Variants in NACAD observed in about 807,000 individuals in gnomAD.
NACAD encodes NAC-alpha domain-containing protein 1.
Under a neutral mutation model 98.9 loss-of-function variants are expected in NACAD, and 47 were observed. The ratio of observed to expected loss-of-function variants is 0.48; its 90% CI spans 0.38 to 0.61. The LOEUF (loss-of-function observed/expected upper bound fraction) is 0.61. Among genes scored for constraint, NACAD ranks in the 20% least tolerant of loss-of-function variants. The probability of loss-of-function intolerance (pLI) is 0.00; values close to 1 mark genes in which losing one functional copy is unlikely to be tolerated. For missense variants in NACAD, 1,412 were observed against 1,748.2 expected (o/e 0.81, Z 3.43); for synonymous variants, 696 against 767.2 (o/e 0.91, Z 1.53).
At position 45,080,683 on chromosome 7, in the gene NACAD, C is replaced by T. The variant is rs756401769; in HGVS notation, c.4631G>A (p.Arg1544Gln). 8.6e-5 allele frequency: 133 copies of T among 1,551,146 alleles called. No individual in the cohort carries two copies. The highest frequency in any genetic ancestry group is 1.1e-4 in the Non-Finnish European group (130 of 1,146,952). The change falls in exon 7 of 8, where the codon CGG becomes CAG. Residue 1544 changes from arginine (R) to glutamine (Q), a missense_variant. Physicochemically the swap from Arg to Gln is conservative, Grantham distance 43. This residue lies in a region of NACAD where 88 missense variants were observed against 105.4 expected (regional missense o/e 0.84). Transcript: ENST00000490531. ...GTCACTGTGGTTGTCTCTCAGAGCCCGCACGGCCTTGGCCCTGGACACATT... is the reference window on the plus strand; with the variant it reads ...GTCACTGTGGTTGTCTCTCAGAGCCTGCACGGCCTTGGCCCTGGACACATT... Reference protein sequence around the residue: ...QANVSRAKAVRALRDNHSDIV... With the variant: ...QANVSRAKAVQALRDNHSDIV...
chr7:45,084,906 T>C lies in NACAD; in HGVS notation c.1274A>G (p.Glu425Gly). The C allele has an allele frequency of 6.4e-7, 1 of 1,551,114 alleles. No homozygotes were observed. Among genetic ancestry groups the C allele is most frequent in the South Asian group, 1.2e-5 (1 of 84,038 alleles). Reference sequence around the variant, plus strand: ...CCCCTTGGCCCCACCTCCGCTCTCCTCCTCTGTCTTCTGGACACTGTCCTG... The same window carrying C: ...CCCCTTGGCCCCACCTCCGCTCTCCCCCTCTGTCTTCTGGACACTGTCCTG... ...LLQDSVQKTE[E>G]ESGGGAKGLQ... is the part of the protein sequence containing the mutation. Residue 425 changes from glutamate to glycine, a missense_variant, in exon 2 of 8, where the codon GAG becomes GGG. Transcript: ENST00000490531.
chr7:45,082,942 G>C lies in NACAD; in HGVS notation c.3238C>G (p.Gln1080Glu). Reference protein sequence around the residue: ...QKETLEVENQQEGGLKPLAQE... With the variant: ...QKETLEVENQEEGGLKPLAQE... ...GCCAGTGGCTTCAGGCCTCCTTCCT[G>C]CTGGTTCTCAACCTCCAGGGTCTCC... The change falls in exon 2 of 8, where the codon CAG (glutamine) becomes GAG (glutamate). Residue 1080 changes from glutamine to glutamate, a missense_variant. Transcript: ENST00000490531. This position sits in a 1 kb window ranked among gnomAD's most constrained non-coding sequence, Gnocchi z 4.5. 1 of 1,551,054 alleles carries C rather than the reference G, an allele frequency of 6.4e-7. No individual in the cohort carries two copies. Among genetic ancestry groups the C allele is most frequent in the South Asian group, 1.2e-5 (1 of 84,066 alleles).
Position 45,085,913 on chromosome 7 carries a change from G to T in NACAD, c.267C>A (p.Gly89=). 1.9e-6 allele frequency: 3 copies of T among 1,545,562 alleles called. No individual in the cohort carries two copies. Among genetic ancestry groups the T allele is most frequent in the Middle Eastern group, 1.9e-4 (1 of 5,138 alleles). ...APSAWADPGE[G]GPSPMLLPEG... Reference sequence around the variant, plus strand: ...CAGGGAGGAGCATGGGGCTTGGGCCGCCCTCCCCTGGGTCCGCCCAGGCCG... The same window carrying T: ...CAGGGAGGAGCATGGGGCTTGGGCCTCCCTCCCCTGGGTCCGCCCAGGCCG... The change falls in exon 2 of 8, where the codon GGC becomes GGA. Residue 89 remains glycine (G), a synonymous_variant. Coordinates refer to ENST00000490531, the MANE Select transcript of NACAD (RefSeq NM_001146334.2). This position sits in a 1 kb window ranked among gnomAD's most constrained non-coding sequence, Gnocchi z 6.1.
In NACAD at chr7:45,084,492, TGAG is replaced by T; in HGVS notation, c.1685_1687del (p.Pro562del). On this transcript the variant is annotated inframe_deletion, in exon 2 of 8. Transcript: ENST00000490531. ...CAGCCCTCCTTCTTCCTTCAAGTTC[TGAG>T]GAGAGTCTGGACACAATGTGAGGCT... 6.4e-7 allele frequency: 1 copy of T among 1,552,266 alleles called. No individual in the cohort carries two copies. Among genetic ancestry groups the T allele is most frequent in the Non-Finnish European group, 8.7e-7 (1 of 1,147,114 alleles).
Position 45,081,011 on chromosome 7 carries a change from C to A in NACAD, c.4416G>T (p.Leu1472=). 4 of 1,551,742 alleles carry A rather than the reference C, an allele frequency of 2.6e-6. No individual in the cohort carries two copies. The highest frequency in any genetic ancestry group is 2.6e-6 in the Non-Finnish European group (3 of 1,146,992). The stretch of plus-strand genomic sequence containing the variant: ...CTGCGGCTTTGTGCACTTGCTGGGA[C>A]AGGTCCTCAATCTGCAAAATGGAAG... ...VVFGEAKIED[L]SQQVHKAAAE... The change falls in exon 6 of 8, where the codon CTG becomes CTT. Residue 1472 remains leucine (L), a synonymous_variant. Transcript: ENST00000490531.
In NACAD at chr7:45,082,207, G is replaced by A; in HGVS notation, c.3973C>T (p.Pro1325Ser). The A allele has an allele frequency of 6.5e-7, 1 of 1,536,892 alleles. No homozygotes were observed. The highest frequency in any genetic ancestry group is 1.2e-5 in the South Asian group (1 of 82,402). ...CCAGAGGGAGGAGGCACTTGGCAAG[G>A]CGGCAAGATCTGCAAGGCCAGGTCT... ...AKDLALQILP[P>S]CQVPPPSGPQ... Residue 1325 changes from proline (P) to serine (S), a missense_variant, in exon 2 of 8, where the codon CCT becomes TCT. Coordinates refer to ENST00000490531, the MANE Select transcript of NACAD (RefSeq NM_001146334.2). The surrounding 1 kb of genome is among the most constrained non-coding windows in gnomAD (Gnocchi z 4.5).
At position 45,080,902 on chromosome 7, in the gene NACAD, C is replaced by T; in HGVS notation, c.4525G>A (p.Glu1509Lys). Residue 1509 changes from glutamate (E) to lysine (K), a missense_variant, in exon 6 of 8, where the codon GAA becomes AAA. By Grantham distance (56) the Glu-to-Lys change is moderately conservative. Transcript: ENST00000490531. ...PRPRVRLECK[E>K]EEEEEEEEVD... ...TCTTCCTCCTCCTCCTCTTCCTCTT[C>T]CTTGCACTCCAGCCTCACCCGGGGC... 2 of 1,557,600 alleles carry T rather than the reference C, an allele frequency of 1.3e-6. No individual in the cohort carries two copies. Among genetic ancestry groups the T allele is most frequent in the Non-Finnish European group, 1.7e-6 (2 of 1,150,646 alleles).
In NACAD at chr7:45,081,748, T is replaced by C; in HGVS notation, c.4185+7A>G. 6.4e-7 allele frequency: 1 copy of C among 1,551,206 alleles called. No homozygotes were observed. Among genetic ancestry groups the C allele is most frequent in the Non-Finnish European group, 8.7e-7 (1 of 1,146,970 alleles). On this transcript the variant is annotated splice_region_variant and intron_variant, in intron 3 of 7. Coordinates refer to ENST00000490531, the MANE Select transcript of NACAD (RefSeq NM_001146334.2). ...CAGAGGCCCACCCTCTTCCCTGGAC[T>C]GGGCACCTGGGCTGGACACTGCACG...
At position 45,082,473 on chromosome 7, in the gene NACAD, G is replaced by A. The variant is rs1370249893; in HGVS notation, c.3707C>T (p.Ala1236Val). The A allele has an allele frequency of 6.5e-7, 1 of 1,549,412 alleles. No individual in the cohort carries two copies. The highest frequency in any genetic ancestry group is 2.0e-5 in the Admixed American group (1 of 50,978). ...CTCCAGTGGGGGTAGGGCTGCCCCA[G>A]CAAGGGTACCAGGAGCAGAAGGGTC... ...GPDPSAPGTLAGAALPPLEPP... is the reference protein window; with the variant it reads ...GPDPSAPGTLVGAALPPLEPP... Residue 1236 changes from alanine (A) to valine (V), a missense_variant, in exon 2 of 8, where the codon GCT (alanine) becomes GTT (valine). Ala to Val is a moderately conservative substitution (Grantham distance 64). This residue lies in a region of NACAD where 572 missense variants were observed against 639.6 expected (regional missense o/e 0.89). Transcript: ENST00000490531. This position sits in a 1 kb window ranked among gnomAD's most constrained non-coding sequence, Gnocchi z 4.5.
chr7:45,086,086 T>C lies in NACAD; in HGVS notation c.94A>G (p.Thr32Ala). The C allele has an allele frequency of 6.5e-7, 1 of 1,535,930 alleles. No individual in the cohort carries two copies. The highest frequency in any genetic ancestry group is 2.4e-5 in the East Asian group (1 of 40,890). ...TDLSCDAAAA[T>A]TILGGDRREP... ...CGCCGGTCCCCTCCCAGGATGGTGG[T>C]GGCAGCGGCCGCATCGCAGGACAGA... Residue 32 changes from threonine (T) to alanine (A), a missense_variant, in exon 2 of 8, where the codon ACC becomes GCC. Physicochemically the swap from Thr to Ala is moderately conservative, Grantham distance 58. Around this residue, in one of 5 missense-constraint regions of NACAD, gnomAD observed 638 missense variants for 722.7 expected, o/e 0.88. Coordinates refer to ENST00000490531, the MANE Select transcript of NACAD (RefSeq NM_001146334.2).
intron 1 of NACAD, 150 bp from the exon 2 acceptor site, chr7:45,086,262 C>T (rs898664607): frequency 1.2e-5 from 10 of 843,952 alleles, no homozygotes; most frequent in Admixed American, 3.0e-5. Context: ...CTGCACGCTG[C>T]GTTTGAGGGA....
At position 45,088,793 on chromosome 7, in the gene NACAD, G is replaced by A. The variant is rs1321744763; in HGVS notation, c.67+35C>T. ...GAGAACCCGGGCTGGAGAGGGGAGAGGCTGAAGGCAGGGAAAGAGTGGCCA... is the reference window on the plus strand; with the variant it reads ...GAGAACCCGGGCTGGAGAGGGGAGAAGCTGAAGGCAGGGAAAGAGTGGCCA... On this transcript the variant is annotated intron_variant, in intron 1 of 7. Transcript: ENST00000490531. This position sits in a 1 kb window ranked among gnomAD's most constrained non-coding sequence, Gnocchi z 5.7. 6.8e-7 allele frequency: 1 copy of A among 1,466,042 alleles called. No homozygotes were observed. Among genetic ancestry groups the A allele is most frequent in the Middle Eastern group, 2.4e-4 (1 of 4,176 alleles). The allele number at this position is 1,466,042 out of a possible 1,614,324, so 90.8% of individuals were successfully genotyped here.
chr7:45,084,544 G>C lies in NACAD; in HGVS notation c.1636C>G (p.Leu546Val), dbSNP rs1215877533. 6.4e-6 allele frequency: 10 copies of C among 1,552,122 alleles called. No homozygotes were observed. The highest frequency in any genetic ancestry group is 2.7e-5 in the African/African-American group (2 of 73,056). ...CTTGTTTCTTCCTGTGGAGTTGGAA[G>C]TTTTTCTGCAGTGACAGACTCTTGG... ...LGQESVTAEK[L>V]PTPQEETSLT... The change falls in exon 2 of 8, where the codon CTT (leucine) becomes GTT (valine). Residue 546 changes from leucine to valine, a missense_variant. This residue lies in a region of NACAD where 638 missense variants were observed against 722.7 expected (regional missense o/e 0.88). Coordinates refer to ENST00000490531, the MANE Select transcript of NACAD (RefSeq NM_001146334.2).
At position 45,083,094 on chromosome 7, in the gene NACAD, C is replaced by T. The variant is rs1309104771; in HGVS notation, c.3086G>A (p.Ser1029Asn). ...AGCACCAGAGGCCGGCTCAGGGAGACTGAGGGCCTCCATGCCCAAAGTGGA... is the reference window on the plus strand; with the variant it reads ...AGCACCAGAGGCCGGCTCAGGGAGATTGAGGGCCTCCATGCCCAAAGTGGA... ...ADSTLGMEAL[S>N]LPEPASGAGE... Residue 1029 changes from serine to asparagine, a missense_variant, in exon 2 of 8, where the codon AGT becomes AAT. Physicochemically the swap from Ser to Asn is conservative, Grantham distance 46. Around this residue, in one of 5 missense-constraint regions of NACAD, gnomAD observed 572 missense variants for 639.6 expected, o/e 0.89. Coordinates refer to ENST00000490531, the MANE Select transcript of NACAD (RefSeq NM_001146334.2). 6.4e-7 allele frequency: 1 copy of T among 1,550,822 alleles called. No individual in the cohort carries two copies.
chr7:45,082,194 G>A lies in NACAD; in HGVS notation c.3986C>T (p.Pro1329Leu), dbSNP rs1388048004. The A allele has an allele frequency of 1.3e-6, 2 of 1,530,568 alleles. No homozygotes were observed. The highest frequency in any genetic ancestry group is 4.9e-5 in the East Asian group (2 of 40,660). The allele number at this position is 1,530,568 out of a possible 1,614,324, so 94.8% of individuals were successfully genotyped here. A position where few individuals can be genotyped will look rare whatever the true frequency, so the allele number is the denominator to read the frequency against. ...ALQILPPCQV[P>L]PPSGPQSPAG... ...TGGGCTCTGGGGCCCAGAGGGAGGA[G>A]GCACTTGGCAAGGCGGCAAGATCTG... The change falls in exon 2 of 8, where the codon CCT becomes CTT. Residue 1329 changes from proline (P) to leucine (L), a missense_variant. Physicochemically the swap from Pro to Leu is moderately conservative, Grantham distance 98. Around this residue, in one of 5 missense-constraint regions of NACAD, gnomAD observed 572 missense variants for 639.6 expected, o/e 0.89. Transcript: ENST00000490531. This position sits in a 1 kb window ranked among gnomAD's most constrained non-coding sequence, Gnocchi z 4.5.
intron 6 of NACAD, 21 bp downstream of exon 6, chr7:45,080,855 C>G: frequency 6.4e-7 from 1 of 1,553,326 alleles, no homozygotes. Flanking sequence ...CCTGCGAGGC[C>G]CTGGAGCCCC....
chr7:45,087,607 G>T (rs1026822274), intron 1 of NACAD, among the ~76,000 whole-genome samples: 8 of 152,250 alleles, frequency 5.3e-5, no homozygotes, highest in African/African-American at 1.9e-4. Context: ...TGAAAGAAGG[G>T]GGACCCTGTT....
In NACAD at chr7:45,085,359, G is replaced by A. The variant is rs1485236457; in HGVS notation, c.821C>T (p.Pro274Leu). The A allele has an allele frequency of 3.9e-6, 6 of 1,550,012 alleles. No individual in the cohort carries two copies. The highest frequency in any genetic ancestry group is 3.6e-5 in the South Asian group (3 of 83,924). The change falls in exon 2 of 8, where the codon CCG becomes CTG. Residue 274 changes from proline to leucine, a missense_variant. By Grantham distance (98) the Pro-to-Leu change is moderately conservative. Transcript: ENST00000490531. The surrounding 1 kb of genome is among the most constrained non-coding windows in gnomAD (Gnocchi z 6.1). Reference sequence around the variant, plus strand: ...TGCAGAGAGGCTGGACTCAGAGGACGGGGGCTCTGGGGTCCCTGCTGGGTG... The same window carrying A: ...TGCAGAGAGGCTGGACTCAGAGGACAGGGGCTCTGGGGTCCCTGCTGGGTG... Reference protein sequence around the residue: ...ELHPAGTPEPPSSESSLSADS... With the variant: ...ELHPAGTPEPLSSESSLSADS...
chr7:45,081,038 C>T lies in NACAD; in HGVS notation c.4405-16G>A, dbSNP rs1266220472. The stretch of plus-strand genomic sequence containing the variant: ...GGTCCTCAATCTGCAAAATGGAAGA[C>T]AGCTGTGTCAGTAGAGCCTGTCCCC... On this transcript the variant is annotated splice_polypyrimidine_tract_variant and intron_variant, in intron 5 of 7. Transcript: ENST00000490531. 1 of 1,551,208 alleles carries T rather than the reference C, an allele frequency of 6.4e-7. No homozygotes were observed. The highest frequency in any genetic ancestry group is 2.4e-5 in the East Asian group (1 of 40,912).
Sources: allele counts gnomAD v4.1 joint callset (sites outside exome capture counted in the v4.1 genomes callset), GRCh38; gene constraint gnomAD v4.1.1; regional missense constraint gnomAD v4.1.1; non-coding constraint Gnocchi (gnomAD v3.1); transcripts MANE v1.5; gene names NCBI Gene and HGNC (gene_info 2026-07-23, HGNC 2026-07-21).